FAM3D: variants seen among roughly 807,000 people sequenced by gnomAD.
FAM3D encodes the protein FAM3 metabolism regulating signaling molecule D.
A neutral mutation model predicts 29.8 loss-of-function variants in FAM3D; 26 were observed. That is an observed-to-expected ratio of 0.87 (90% CI 0.64 to 1.21). The LOEUF (loss-of-function observed/expected upper bound fraction) is 1.21. Ranked by LOEUF, FAM3D falls within the 50% of genes most tolerant of loss-of-function variation. FAM3D has a pLI of 0.00. For missense variants in FAM3D, 253 were observed against 290.9 expected (o/e 0.87, Z 0.95); for synonymous variants, 115 against 102.3 (o/e 1.12, Z -0.75).
intron 3 of FAM3D, among the ~76,000 whole-genome samples, chr3:58,649,758 G>C (rs371810100): frequency 1.7e-5 from 2 of 119,184 alleles, no homozygotes; most frequent in East Asian, 5.0e-4. Flanking sequence ...TTCAAAAGAA[G>C]CTGGGCTGTT....
At chr3:58,663,933 T>C (rs563019722) in intron 1 of FAM3D, among the ~76,000 whole-genome samples, 1 of 152,210 alleles carries the variant, frequency 6.6e-6, no homozygotes, top group African/African-American at 2.4e-5. Context: ...AGGAATTCCA[T>C]ACTTTGTGGA....
intron 1 of FAM3D, among the ~76,000 whole-genome samples, chr3:58,661,362 C>T (rs1209809487): frequency 6.6e-6 from 1 of 152,198 alleles, no homozygotes; most frequent in Admixed American, 6.5e-5. Flanking sequence ...ATGTCTCTCA[C>T]CAGCCAGTAC....
chr3:58,661,640 G>A (rs972201732), intron 1 of FAM3D, among the ~76,000 whole-genome samples: 1 of 152,180 alleles, frequency 6.6e-6, no homozygotes. Context: ...GGGGGCTTTG[G>A]TGCCCATCTA....
At chr3:58,638,701 G>C (rs778554485) in intron 7 of FAM3D, among the ~76,000 whole-genome samples, 3 of 152,206 alleles carry the variant, frequency 2.0e-5, no homozygotes. Flanking sequence ...GGCCCACAAA[G>C]CTGGCCTTGA....
intron 1 of FAM3D, among the ~76,000 whole-genome samples, chr3:58,665,288 A>T (rs2067008529): frequency 6.6e-6 from 1 of 151,724 alleles, no homozygotes. Flanking sequence ...ACCACCAGCT[A>T]CTACCCCTTT....
intron 1 of FAM3D, among the ~76,000 whole-genome samples, chr3:58,663,903 C>T (rs937587099): frequency 9.9e-5 from 15 of 152,242 alleles, no homozygotes; most frequent in Non-Finnish European, 2.9e-5. Flanking sequence ...ACCAGGGCTG[C>T]CCTCACCTGT....
At chr3:58,661,840 A>G (rs1224698738) in intron 1 of FAM3D, among the ~76,000 whole-genome samples, 1 of 152,198 alleles carries the variant, frequency 6.6e-6, no homozygotes, top group Non-Finnish European at 1.5e-5. Flanking sequence ...TCCCTTGGAG[A>G]TGCTCCTCGC....
At chr3:58,656,709 T>C (rs1214238407) in intron 1 of FAM3D, among the ~76,000 whole-genome samples, 1 of 152,182 alleles carries the variant, frequency 6.6e-6, no homozygotes, top group East Asian at 1.9e-4. Flanking sequence ...CCCCAGAGTC[T>C]TTATCCTAAA....
At chr3:58,646,747 C>A (rs2066493720) in intron 4 of FAM3D, among the ~76,000 whole-genome samples, 1 of 152,210 alleles carries the variant, frequency 6.6e-6, no homozygotes, top group African/African-American at 2.4e-5. Flanking sequence ...CTTGCACATG[C>A]CAAGACCTTG....
intron 1 of FAM3D, among the ~76,000 whole-genome samples, chr3:58,661,348 C>A (rs1559509686): frequency 6.6e-6 from 1 of 152,168 alleles, no homozygotes; most frequent in Admixed American, 6.5e-5. Flanking sequence ...GTTCTCCCAC[C>A]CCCATGTCTC....
chr3:58,649,244 C>T (rs756107237), intron 4 of FAM3D, 71 bp downstream of exon 4: 1 of 1,573,914 alleles, frequency 6.4e-7, no homozygotes, highest in Non-Finnish European at 8.6e-7. Context: ...GGCCTTGTTG[C>T]CCTAGGGCAA....
intron 4 of FAM3D, among the ~76,000 whole-genome samples, chr3:58,646,250 G>C (rs1334526962): frequency 6.6e-6 from 1 of 152,204 alleles, no homozygotes; most frequent in African/African-American, 2.4e-5. Context: ...CCTGATGCTG[G>C]AATACAACAG....
Position 58,636,944 on chromosome 3 carries a change from G to C in FAM3D, c.458+197C>G, listed in dbSNP as rs867897125. Reference sequence around the variant, plus strand: ...AGCTGTTATTATTGGACAGGGAGAGGGTTTCCAGTTTTTCACTGTGGTAAT... The same window carrying C: ...AGCTGTTATTATTGGACAGGGAGAGCGTTTCCAGTTTTTCACTGTGGTAAT... On this transcript the variant is annotated intron_variant, in intron 8 of 9. Coordinates refer to ENST00000358781, the MANE Select transcript of FAM3D (RefSeq NM_138805.3). 9.9e-5 allele frequency among the ~76,000 whole-genome samples: 15 copies of C among 152,198 alleles called. No individual in the cohort carries two copies. In the South Asian group the frequency reaches 2.1e-3, roughly 21 times the overall value.
At chr3:58,662,999 A>G (rs926442840) in intron 1 of FAM3D, among the ~76,000 whole-genome samples, 12 of 152,214 alleles carry the variant, frequency 7.9e-5, no homozygotes, top group Non-Finnish European at 4.4e-5. Flanking sequence ...CCCGAGTTCA[A>G]GCGATTCTCC....
chr3:58,651,779 T>A (rs926507706), intron 3 of FAM3D, among the ~76,000 whole-genome samples: 8 of 150,854 alleles, frequency 5.3e-5, no homozygotes, highest in African/African-American at 2.0e-4. Context: ...TTTGAGGCCA[T>A]TAGTGCAGCC....
Position 58,634,176 on chromosome 3 carries a change from C to T in FAM3D, c.*103G>A, listed in dbSNP as rs894079322. On this transcript the variant is annotated 3_prime_UTR_variant, in exon 10 of 10. Coordinates refer to ENST00000358781, the MANE Select transcript of FAM3D (RefSeq NM_138805.3). The surrounding 1 kb of genome is among the most constrained non-coding windows in gnomAD (Gnocchi z 4.6). ...GTGCAAGGACCTGCAGCACCTTCCA[C>T]GCAGCACCCCCTGCTCCTCCTCCTC... 27 of 1,046,422 alleles carry T rather than the reference C, an allele frequency of 2.6e-5. No homozygotes were observed. Among genetic ancestry groups the T allele is most frequent in the Middle Eastern group, 3.1e-4 (1 of 3,206 alleles). The allele number at this position is 1,046,422 out of a possible 1,614,324, so 64.8% of individuals were successfully genotyped here.
At position 58,638,980 on chromosome 3, in the gene FAM3D, C is replaced by A. The variant is rs139713791; in HGVS notation, c.373+1147G>T. Among the ~76,000 whole-genome samples, 130 of 152,346 alleles carry A rather than the reference C, an allele frequency of 8.5e-4. 1 individual carries two copies. The highest frequency in any genetic ancestry group is 3.0e-3 in the African/African-American group (126 of 41,584). On this transcript the variant is annotated intron_variant, in intron 7 of 9. Transcript: ENST00000358781. ...ATAAAACATGCCTTCTGCTAATGAT[C>A]ACCTCACTTTAAAAAGCCATCATCC...
intron 1 of FAM3D, among the ~76,000 whole-genome samples, chr3:58,659,412 C>G (rs2066889569): frequency 6.6e-6 from 1 of 152,218 alleles, no homozygotes; most frequent in African/African-American, 2.4e-5. Flanking sequence ...GGCCTTTAAT[C>G]TCAACCATGA....
intron 2 of FAM3D, among the ~76,000 whole-genome samples, chr3:58,655,183 GA>G (rs972291979): frequency 9.9e-5 from 15 of 152,066 alleles, no homozygotes; most frequent in Middle Eastern, 3.2e-3. Context: ...TACAAAGGGG[GA>G]TACAGTATGA....
Sources: gnomAD v4.1 joint callset for allele counts (sites outside exome capture counted in the v4.1 genomes callset) on GRCh38, gnomAD v4.1.1 for gene constraint, Gnocchi (gnomAD v3.1) non-coding constraint, MANE v1.5 for transcripts, NCBI Gene and HGNC (gene_info 2026-07-23, HGNC 2026-07-21) for gene names.